ADARB1: variants seen among roughly 807,000 people sequenced by gnomAD.
ADARB1 encodes double-stranded RNA-specific editase 1.
ADARB1 carries 10 observed loss-of-function variants against 52.4 expected under a neutral mutation model. That is an observed-to-expected ratio of 0.19 (90% CI 0.12 to 0.32). The LOEUF is 0.32. Ranked by LOEUF, ADARB1 falls within the 10% of genes least tolerant of loss-of-function variation. The probability of loss-of-function intolerance (pLI) is 1.00; values close to 1 mark genes in which losing one functional copy is unlikely to be tolerated. For synonymous variants in ADARB1, 349 were observed against 371.1 expected, an observed-to-expected ratio of 0.94 and a Z score of 0.68; for missense variants, 643 against 922.3, an observed-to-expected ratio of 0.70 and a Z score of 3.92.
Position 45,225,248 on chromosome 21 carries a change from T to C in ADARB1, c.*3051T>C, listed in dbSNP as rs1355904924. On this transcript the variant is annotated 3_prime_UTR_variant, in exon 11 of 11. Coordinates refer to ENST00000348831, the MANE Select transcript of ADARB1 (RefSeq NM_001112.4). The stretch of plus-strand genomic sequence containing the variant: ...CAGCGACAGGTCCAGATGGATGTCG[T>C]CACCACCTTCCTCAGCTCTCATCAC... 8.8e-7 allele frequency: 1 copy of C among 1,130,294 alleles called. No individual in the cohort carries two copies. Among genetic ancestry groups the C allele is most frequent in the East Asian group, 4.4e-5 (1 of 22,504 alleles). The allele number at this position is 1,130,294 out of a possible 1,614,324, so 70.0% of individuals were successfully genotyped here.
Position 45,215,840 on chromosome 21 carries a change from ATGAGT to A in ADARB1, c.1748-4993_1748-4989del, listed in dbSNP as rs375564631. On this transcript the variant is annotated intron_variant, in intron 9 of 10. Transcript: ENST00000348831. Reference sequence around the variant, plus strand: ...GTTTAATGTCTTTGTCAGGCATAAAATGAGTTGGGGTGCATTTCTTTCTCTTCAGT... The same window carrying A: ...GTTTAATGTCTTTGTCAGGCATAAAATGGGGTGCATTTCTTTCTCTTCAGT... Among the ~76,000 whole-genome samples, 67 of 152,332 alleles carry A rather than the reference ATGAGT, an allele frequency of 4.4e-4. 1 individual carries two copies. The East Asian group carries it at 9.8e-3, about 22-fold the overall frequency.
chr21:45,161,886 C>T (rs915348417), intron 2 of ADARB1, among the ~76,000 whole-genome samples: 2 of 152,180 alleles, frequency 1.3e-5, no homozygotes, highest in Admixed American at 1.3e-4. Flanking sequence ...GACAGGATGA[C>T]CTGCTTATGG....
chr21:45,123,495 G>T (rs909323349), intron 1 of ADARB1, among the ~76,000 whole-genome samples: 1 of 152,128 alleles, frequency 6.6e-6, no homozygotes, highest in African/African-American at 2.4e-5. Flanking sequence ...TATAGAGATG[G>T]TGTCTCCCTG....
intron 2 of ADARB1, among the ~76,000 whole-genome samples, chr21:45,140,676 A>G (rs969062960): frequency 6.6e-6 from 1 of 152,140 alleles, no homozygotes; most frequent in African/African-American, 2.4e-5. Flanking sequence ...TCCAGAAGCC[A>G]GTTTCCTTCA....
chr21:45,158,995 T>C (rs2090817764), intron 2 of ADARB1, among the ~76,000 whole-genome samples: 1 of 152,192 alleles, frequency 6.6e-6, no homozygotes, highest in Admixed American at 6.5e-5. Context: ...GAATAAAATT[T>C]ATTTTTTTTC....
At chr21:45,108,088 A>T (rs1333936799) in intron 1 of ADARB1, among the ~76,000 whole-genome samples, 4 of 152,222 alleles carry the variant, frequency 2.6e-5, no homozygotes, top group African/African-American at 4.8e-5. Flanking sequence ...CTGACCAAAA[A>T]CAAAACAGAA....
At chr21:45,177,588 T>C (rs764610656) in intron 4 of ADARB1, 4 of 152,226 alleles carry the variant, frequency 2.6e-5, no homozygotes, top group South Asian at 2.1e-4. Context: ...GCAAAAGTTA[T>C]TTTTTTGACC....
At chr21:45,173,096 T>C (rs2091554175) in intron 3 of ADARB1, among the ~76,000 whole-genome samples, 1 of 152,264 alleles carries the variant, frequency 6.6e-6, no homozygotes, top group Admixed American at 6.5e-5. Context: ...TCACCTCGCA[T>C]AGACAGAGGC....
intron 2 of ADARB1, among the ~76,000 whole-genome samples, chr21:45,167,738 C>CAAAAATA (rs986732968): frequency 6.6e-6 from 1 of 151,852 alleles, no homozygotes; most frequent in Non-Finnish European, 1.5e-5. Context: ...GCGAGATTCT[C>CAAAAATA]AAAAATAAAA....
chr21:45,147,945 C>T, intron 2 of ADARB1, among the ~76,000 whole-genome samples: 1 of 152,134 alleles, frequency 6.6e-6, no homozygotes, highest in Non-Finnish European at 1.5e-5. Context: ...GCTGCCGCGC[C>T]TGTGCCAACT....
At chr21:45,126,366 T>C (rs2088579619) in intron 1 of ADARB1, among the ~76,000 whole-genome samples, 1 of 152,146 alleles carries the variant, frequency 6.6e-6, no homozygotes, top group Non-Finnish European at 1.5e-5. Context: ...ATCTCTCCAC[T>C]GTTTTGTTTT....
At chr21:45,218,716 A>G (rs2092911856) in intron 9 of ADARB1, among the ~76,000 whole-genome samples, 1 of 152,230 alleles carries the variant, frequency 6.6e-6, no homozygotes, top group Non-Finnish European at 1.5e-5. Context: ...AGGGAGGGAT[A>G]AATGGTCATT....
chr21:45,092,705 AT>A (rs1482762418), intron 1 of ADARB1, among the ~76,000 whole-genome samples: 5 of 152,230 alleles, frequency 3.3e-5, no homozygotes, highest in Non-Finnish European at 4.4e-5. Flanking sequence ...CTTTCTGTAA[AT>A]TTTGAAGTAA....
rs999187204 is a variant in ADARB1, at chr21:45,222,893, G to A, written c.*696G>A. 7 of 985,406 alleles carry A rather than the reference G, an allele frequency of 7.1e-6. No individual in the cohort carries two copies. Among genetic ancestry groups the A allele is most frequent in the East Asian group, 1.1e-4 (1 of 8,828 alleles). The allele number at this position is 985,406 out of a possible 1,614,324, so 61.0% of individuals were successfully genotyped here. ...CAGTGACTGTGTGTCCTGCAGAGGC[G>A]TGACCCAGGCCCCTGTAGCCCTCAG... On this transcript the variant is annotated 3_prime_UTR_variant, in exon 11 of 11. Coordinates refer to ENST00000348831, the MANE Select transcript of ADARB1 (RefSeq NM_001112.4).
chr21:45,084,954 G>GAC (rs1219499849), intron 1 of ADARB1, among the ~76,000 whole-genome samples: 3 of 152,208 alleles, frequency 2.0e-5, no homozygotes, highest in African/African-American at 7.2e-5. Flanking sequence ...TCTGGAGTCA[G>GAC]ACACAATACT....
At chr21:45,161,143 G>A (rs777477838) in intron 2 of ADARB1, among the ~76,000 whole-genome samples, 3 of 152,204 alleles carry the variant, frequency 2.0e-5, no homozygotes, top group Non-Finnish European at 2.9e-5. Context: ...TGCTGCTGCC[G>A]TGGTGTCAGC....
chr21:45,162,549 G>A (rs1282022976), intron 2 of ADARB1, among the ~76,000 whole-genome samples: 3 of 152,154 alleles, frequency 2.0e-5, no homozygotes, highest in Non-Finnish European at 4.4e-5. Flanking sequence ...GGAGGTTTCT[G>A]GCCAGAAAAA....
chr21:45,177,032 C>T, intron 4 of ADARB1: 1 of 191,552 alleles, frequency 5.2e-6, no homozygotes, highest in Non-Finnish European at 1.1e-5. Flanking sequence ...GTCTTTGAAA[C>T]CTTGCCCCCA....
intron 1 of ADARB1, among the ~76,000 whole-genome samples, chr21:45,105,425 G>A (rs1311184167): frequency 1.3e-5 from 2 of 152,090 alleles, no homozygotes; most frequent in Non-Finnish European, 1.5e-5. Context: ...TTTAATATTT[G>A]TGTATTTTAT....
Sources: allele counts gnomAD v4.1 joint callset (sites outside exome capture counted in the v4.1 genomes callset), GRCh38; gene constraint gnomAD v4.1.1; transcripts MANE v1.5; gene names NCBI Gene and HGNC (gene_info 2026-07-23, HGNC 2026-07-21).